SLC25A36: variants seen among roughly 807,000 people sequenced by gnomAD.
SLC25A36 encodes epididymis secretory sperm binding protein.
Under a neutral mutation model 35.3 loss-of-function variants are expected in SLC25A36, and 24 were observed. The ratio of observed to expected loss-of-function variants is 0.68; its 90% confidence interval spans 0.49 to 0.96. The LOEUF (loss-of-function observed/expected upper bound fraction) is 0.96, where lower values mean the gene tolerates loss of function less well. Among genes scored for constraint, SLC25A36 ranks in the 40% least tolerant of loss-of-function variants. The pLI is 0.00. For missense variants in SLC25A36, 294 were observed against 381.1 expected (o/e 0.77, Z 1.90); for synonymous variants, 141 against 132.2 (o/e 1.07, Z -0.46).
chr3:140,949,252 C>A (rs1349951144), intron 1 of SLC25A36, among the ~76,000 whole-genome samples: 1 of 152,052 alleles, frequency 6.6e-6, no homozygotes, highest in East Asian at 1.9e-4. Context: ...GTAGAAGCAA[C>A]ATTTGAAAGT....
chr3:140,941,840 T>A lies in SLC25A36; in HGVS notation c.-215T>A, dbSNP rs1018874061. ...GCGCTGCGCTGCGTCGCTTTCAGCCTCTGGTGAAGGGCGGCGCGCTTAGGC... is the reference window on the plus strand; with the variant it reads ...GCGCTGCGCTGCGTCGCTTTCAGCCACTGGTGAAGGGCGGCGCGCTTAGGC... On this transcript the variant is annotated 5_prime_UTR_variant, in exon 1 of 7. Coordinates refer to ENST00000324194, the MANE Select transcript of SLC25A36 (RefSeq NM_001104647.3). 9 of 510,258 alleles carry A rather than the reference T, an allele frequency of 1.8e-5. No homozygotes were observed. The highest frequency in any genetic ancestry group is 2.8e-5 in the Non-Finnish European group (8 of 285,620). The allele number at this position is 510,258 out of a possible 1,614,324, so 31.6% of individuals were successfully genotyped here.
chr3:140,975,556 G>A (rs544151430), intron 6 of SLC25A36, among the ~76,000 whole-genome samples: 1 of 152,218 alleles, frequency 6.6e-6, no homozygotes, highest in Non-Finnish European at 1.5e-5. Context: ...AATAGTGGAT[G>A]TAAAAAAAAG....
intron 3 of SLC25A36, among the ~76,000 whole-genome samples, chr3:140,962,897 T>G (rs1934666348): frequency 6.6e-6 from 1 of 151,922 alleles, no homozygotes. Flanking sequence ...GGGGGTCTGT[T>G]TGAGGATGAA....
intron 1 of SLC25A36, among the ~76,000 whole-genome samples, chr3:140,951,482 C>A (rs1576477815): frequency 6.6e-6 from 1 of 152,018 alleles, no homozygotes; most frequent in Admixed American, 6.6e-5. Flanking sequence ...GTACGATTTA[C>A]TTATTTATTT....
At chr3:140,954,174 C>T (rs1934412952) in intron 1 of SLC25A36, among the ~76,000 whole-genome samples, 1 of 152,034 alleles carries the variant, frequency 6.6e-6, no homozygotes, top group South Asian at 2.1e-4. Flanking sequence ...AAAATAAAAG[C>T]CTTTTGTGCT....
chr3:140,951,375 C>G (rs1052214310), intron 1 of SLC25A36, among the ~76,000 whole-genome samples: 2 of 152,174 alleles, frequency 1.3e-5, no homozygotes, highest in African/African-American at 4.8e-5. Context: ...CAGAGTGTCA[C>G]CCCTATACTA....
Position 140,953,396 on chromosome 3 carries a change from T to G in SLC25A36, c.42-3131T>G, listed in dbSNP as rs957337893. Among the ~76,000 whole-genome samples the G allele has an allele frequency of 3.9e-4, 54 of 139,076 alleles. 2 individuals carry two copies. The highest frequency in any genetic ancestry group is 2.5e-3 in the Admixed American group (35 of 13,966). 91.2% of individuals were successfully genotyped at this position (139,076 alleles called of 152,430 possible). A position where few individuals can be genotyped will look rare whatever the true frequency, so the allele number is the denominator to read the frequency against. Reference sequence around the variant, plus strand: ...GTATAATTGTGGTTTCGACATTTTTTGGGGGGGGGGTTAAATTTTTTCAAC... The same window carrying G: ...GTATAATTGTGGTTTCGACATTTTTGGGGGGGGGGGTTAAATTTTTTCAAC... On this transcript the variant is annotated intron_variant, in intron 1 of 6. Transcript: ENST00000324194.
At chr3:140,950,135 CAA>C (rs1470066050) in intron 1 of SLC25A36, among the ~76,000 whole-genome samples, 4 of 152,062 alleles carry the variant, frequency 2.6e-5, no homozygotes, top group African/African-American at 9.7e-5. Flanking sequence ...TGTTAAAAAT[CAA>C]AAGTCAGTGC....
chr3:140,957,383 G>C (rs1441904432), intron 2 of SLC25A36, among the ~76,000 whole-genome samples: 1 of 152,126 alleles, frequency 6.6e-6, no homozygotes, highest in Admixed American at 6.5e-5. Flanking sequence ...GGTTTCATCA[G>C]CCTTTTCTTT....
chr3:140,963,463 G>A (rs1221970245), intron 4 of SLC25A36: 1 of 335,854 alleles, frequency 3.0e-6, no homozygotes, highest in Admixed American at 5.0e-5. Flanking sequence ...ATTGCCTTGT[G>A]TAGTCCACTG....
intron 6 of SLC25A36, 123 bp downstream of exon 6, chr3:140,974,128 A>G: frequency 1.5e-6 from 1 of 656,134 alleles, no homozygotes; most frequent in South Asian, 2.3e-5. Context: ...GGAGTTCATA[A>G]TGAGATTAAA....
rs10662120 is a variant in SLC25A36, at chr3:140,975,097, C to CTTTTTTTTTTTTT, written c.742+1110_742+1122dup. Among the ~76,000 whole-genome samples the CTTTTTTTTTTTTT allele has an allele frequency of 7.9e-3, 436 of 55,184 alleles. 139 individuals carry two copies. Among genetic ancestry groups the CTTTTTTTTTTTTT allele is most frequent in the Non-Finnish European group, 0.012 (334 of 28,224 alleles). 36.2% of individuals were successfully genotyped at this position (55,184 alleles called of 152,430 possible). ...GTACAGTTGATAAACAAGATACATT[C>CTTTTTTTTTTTTT]TTTTTTTTTTTTTTTTTTTTTTTTT... is the stretch of plus-strand genomic sequence containing the variant. On this transcript the variant is annotated intron_variant, in intron 6 of 6. Coordinates refer to ENST00000324194, the MANE Select transcript of SLC25A36 (RefSeq NM_001104647.3).
chr3:140,951,976 G>A (rs527506819), intron 1 of SLC25A36, among the ~76,000 whole-genome samples: 22 of 151,728 alleles, frequency 1.4e-4, no homozygotes, highest in Non-Finnish European at 2.8e-4. Context: ...TGGGATTACA[G>A]GCATGTGCCA....
chr3:140,974,146 A>G (rs2107818160), intron 6 of SLC25A36, 141 bp downstream of exon 6: 1 of 602,524 alleles, frequency 1.7e-6, no homozygotes, highest in East Asian at 2.8e-5. Flanking sequence ...AAATCTGGTT[A>G]AGTAATGTAG....
At chr3:140,958,174 A>C (rs1337966313) in intron 2 of SLC25A36, among the ~76,000 whole-genome samples, 1 of 152,170 alleles carries the variant, frequency 6.6e-6, no homozygotes, top group Non-Finnish European at 1.5e-5. Context: ...TAACCATTAG[A>C]CCCAACTACC....
At position 140,968,353 on chromosome 3, in the gene SLC25A36, T is replaced by C. The variant is rs1934815355; in HGVS notation, c.386-2574T>C. On this transcript the variant is annotated intron_variant, in intron 4 of 6. Transcript: ENST00000324194. ...TTGCTGGCATTTAGGTTAGTGTCTT[T>C]ATAAAGAGCTAGCTCTCATTGGGAG... 5 of 814,022 alleles carry C rather than the reference T, an allele frequency of 6.1e-6. No homozygotes were observed. The South Asian group carries it at 2.3e-4, about 37-fold the overall frequency. 50.4% of individuals were successfully genotyped at this position (814,022 alleles called of 1,614,324 possible).
chr3:140,976,257 CAG>C lies in SLC25A36; in HGVS notation c.743-1_743del. 6.3e-7 allele frequency: 1 copy of C among 1,576,574 alleles called. No individual in the cohort carries two copies. The highest frequency in any genetic ancestry group is 8.6e-7 in the Non-Finnish European group (1 of 1,156,214). ...TGTTTAATTTTATTTCTTTCCTACA[CAG>C]AAGTTGTAAGAACAAGACTACGTGA... On this transcript the variant is annotated splice_acceptor_variant, in intron 6 of 6. Coordinates refer to ENST00000324194, the MANE Select transcript of SLC25A36 (RefSeq NM_001104647.3). LOFTEE classifies it high-confidence loss of function.
At chr3:140,969,825 A>T (rs373989062) in intron 4 of SLC25A36, among the ~76,000 whole-genome samples, 51 of 152,070 alleles carry the variant, frequency 3.4e-4, no homozygotes, top group African/African-American at 1.2e-3. Flanking sequence ...CTCATCTTAA[A>T]TGTACTGATC....
At chr3:140,960,818 A>G (rs1249353833) in intron 3 of SLC25A36, among the ~76,000 whole-genome samples, 2 of 152,234 alleles carry the variant, frequency 1.3e-5, no homozygotes, top group Admixed American at 6.5e-5. Flanking sequence ...AAGCAAAGGA[A>G]CTAATAACTA....
Sources: allele counts gnomAD v4.1 joint callset (sites outside exome capture counted in the v4.1 genomes callset), GRCh38; gene constraint gnomAD v4.1.1; transcripts MANE v1.5; gene names NCBI Gene and HGNC (gene_info 2026-07-23, HGNC 2026-07-21).